Variants in CRYBA4 observed in about 807,000 individuals in gnomAD.
CRYBA4 encodes the protein crystallin beta A4.
Under a neutral mutation model 31.7 loss-of-function variants are expected in CRYBA4, and 30 were observed. The observed-to-expected ratio is 0.95, with a 90% confidence interval of 0.71 to 1.28. The LOEUF (loss-of-function observed/expected upper bound fraction) is 1.28, where lower values mean the gene tolerates loss of function less well. CRYBA4 is among the 50% of genes most tolerant of loss of function. CRYBA4 has a pLI of 0.00. For synonymous variants in CRYBA4, 102 were observed against 102.3 expected (o/e 1.00, Z 0.02); for missense variants, 225 against 260.7 (o/e 0.86, Z 0.94).
At chr22:26,604,682 A>G in the CRYBA4 span, among the ~76,000 whole-genome samples, 1 of 152,206 alleles carries the variant, frequency 6.6e-6, no homozygotes, top group African/African-American at 2.4e-5. Context: ...GCAAGACAAT[A>G]TCTGTGTGGC....
upstream of CRYBA4, among the ~76,000 whole-genome samples, chr22:26,618,927 C>T (rs149613970): frequency 2.2e-3 from 334 of 152,302 alleles, 1 homozygote; most frequent in African/African-American, 7.7e-3. Context: ...CTACCCAGGC[C>T]ACGTTATCTG....
chr22:26,621,880 G>T, upstream of CRYBA4: 1 of 702,396 alleles, frequency 1.4e-6, no homozygotes, highest in Non-Finnish European at 1.8e-6. Context: ...CTGTGGCCCA[G>T]TTGCTGAGTC....
At chr22:26,594,689 TAAAACAA>T in the CRYBA4 span, among the ~76,000 whole-genome samples, 948 of 152,030 alleles carry the variant, frequency 6.2e-3, 5 homozygotes, top group Non-Finnish European at 7.9e-3. Flanking sequence ...AGACTCTAGC[TAAAACAA>T]AAAACAAAAA....
At chr22:26,591,479 A>AAC in the CRYBA4 span, among the ~76,000 whole-genome samples, 1 of 150,896 alleles carries the variant, frequency 6.6e-6, no homozygotes, top group African/African-American at 2.4e-5. Flanking sequence ...AAAAAAAAAA[A>AAC]AAAATGCAAT....
the CRYBA4 span, among the ~76,000 whole-genome samples, chr22:26,606,585 TTG>T: frequency 6.6e-6 from 1 of 152,222 alleles, no homozygotes; most frequent in African/African-American, 2.4e-5. Context: ...CATTCAATGA[TTG>T]AGAGAGACAT....
the CRYBA4 span, among the ~76,000 whole-genome samples, chr22:26,598,904 G>A: frequency 1.3e-5 from 2 of 152,218 alleles, no homozygotes. Context: ...GTCTTGAAGA[G>A]TACAGGCTCT....
At position 26,625,445 on chromosome 22, in the gene CRYBA4, C is replaced by T. The variant is rs73880140; in HGVS notation, c.159-36C>T. 0.048 allele frequency: 77,165 copies of T among 1,608,370 alleles called. 2,392 individuals are homozygous for T. Among genetic ancestry groups the T allele is most frequent in the Middle Eastern group, 0.11 (639 of 6,048 alleles). On this transcript the variant is annotated intron_variant, in intron 3 of 5. Coordinates refer to ENST00000354760, the MANE Select transcript of CRYBA4 (RefSeq NM_001886.3). ...GGTCTAGAATGCAGGGTGAGGGGGA[C>T]GCTTACCTCCTGCACACTCTACCCT...
upstream of CRYBA4, among the ~76,000 whole-genome samples, chr22:26,619,291 G>A (rs1929458865): frequency 6.6e-6 from 1 of 152,144 alleles, no homozygotes; most frequent in African/African-American, 2.4e-5. Flanking sequence ...AGAGACAGAG[G>A]TCAAGTTGGG....
At chr22:26,599,516 C>T in the CRYBA4 span, 12 of 1,613,278 alleles carry the variant, frequency 7.4e-6, no homozygotes, top group Non-Finnish European at 1.0e-5. Flanking sequence ...GTGGCCAGGA[C>T]AGGGAAGGAC....
At chr22:26,606,373 A>C in the CRYBA4 span, among the ~76,000 whole-genome samples, 1 of 152,200 alleles carries the variant, frequency 6.6e-6, no homozygotes, top group Non-Finnish European at 1.5e-5. Flanking sequence ...CATTCTTTAA[A>C]ATTTTTTTTA....
At chr22:26,612,885 C>T in the CRYBA4 span, among the ~76,000 whole-genome samples, 1 of 152,204 alleles carries the variant, frequency 6.6e-6, no homozygotes, top group Non-Finnish European at 1.5e-5. Flanking sequence ...TTGCCCCTTC[C>T]TCCATCGGCC....
chr22:26,603,125 C>CAA, the CRYBA4 span, among the ~76,000 whole-genome samples: 233 of 69,130 alleles, frequency 3.4e-3, 3 homozygotes, highest in African/African-American at 6.6e-3. Context: ...GACTCCGTCT[C>CAA]AAAAAAAAAA....
chr22:26,601,836 T>G, the CRYBA4 span: 1 of 1,611,114 alleles, frequency 6.2e-7, no homozygotes, highest in Non-Finnish European at 8.5e-7. Flanking sequence ...ATTCTGCCTG[T>G]GCTTGAAGCA....
intron 4 of CRYBA4, 25 bp downstream of exon 4, chr22:26,625,647 C>T (rs199850265): frequency 1.2e-4 from 190 of 1,612,178 alleles, no homozygotes; most frequent in Non-Finnish European, 1.5e-4. Flanking sequence ...TGCTGCATCC[C>T]GGGGAGGCCC....
chr22:26,595,458 A>C, the CRYBA4 span, among the ~76,000 whole-genome samples: 1 of 152,018 alleles, frequency 6.6e-6, no homozygotes, highest in African/African-American at 2.4e-5. Flanking sequence ...GCATGCCTAT[A>C]ATCCCAGCTA....
At chr22:26,613,180 C>T in the CRYBA4 span, among the ~76,000 whole-genome samples, 1 of 152,242 alleles carries the variant, frequency 6.6e-6, no homozygotes, top group Non-Finnish European at 1.5e-5. Context: ...ATCTTCTCTC[C>T]TCACTAAGCC....
chr22:26,601,910 G>A, the CRYBA4 span: 34 of 1,612,496 alleles, frequency 2.1e-5, no homozygotes, highest in East Asian at 2.0e-4. Context: ...CTGCCCACGC[G>A]GTCACTGAAG....
At chr22:26,620,410 T>C (rs1929495890), upstream of CRYBA4, among the ~76,000 whole-genome samples, 1 of 152,182 alleles carries the variant, frequency 6.6e-6, no homozygotes, top group South Asian at 2.1e-4. Flanking sequence ...TACACACAAG[T>C]AAACTGAGGC....
intron 5 of CRYBA4, among the ~76,000 whole-genome samples, chr22:26,628,908 C>T (rs1602343373): frequency 6.6e-6 from 1 of 152,316 alleles, no homozygotes; most frequent in East Asian, 1.9e-4. Flanking sequence ...AATCATCATG[C>T]CCATAGGAAT....
Sources: gnomAD v4.1 joint callset for allele counts (sites outside exome capture counted in the v4.1 genomes callset) on GRCh38, gnomAD v4.1.1 for gene constraint, MANE v1.5 for transcripts, NCBI Gene and HGNC (gene_info 2026-07-23, HGNC 2026-07-21) for gene names.